The following BCL11A variants were observed in gnomAD, a reference collection of about 807,000 sequenced individuals.
BCL11A encodes the protein BCL11 transcription factor A.
In BCL11A, 2 loss-of-function variants were observed where a neutral mutation model predicts 55.9. The ratio of observed to expected loss-of-function variants is 0.04; its 90% CI spans 0.01 to 0.11. BCL11A has a LOEUF of 0.11. Ranked by LOEUF, BCL11A falls within the 10% of genes least tolerant of loss-of-function variation. The probability of loss-of-function intolerance (pLI) is 1.00; values close to 1 mark genes in which losing one functional copy is unlikely to be tolerated. For missense variants in BCL11A, 817 were observed against 1,137.1 expected, an observed-to-expected ratio of 0.72 and a Z score of 4.05; for synonymous variants, 465 against 473.4, an observed-to-expected ratio of 0.98 and a Z score of 0.23.
In BCL11A at chr2:60,546,334, A is replaced by G; in HGVS notation, c.56-34T>C. On this transcript the variant is annotated intron_variant, in intron 1 of 3. Transcript: ENST00000642384. This position sits in a 1 kb window ranked among gnomAD's most constrained non-coding sequence, Gnocchi z 4.1. ...GGAGAAACAAAAGCACAATTATTAGAGTGCCAGAGAGGACAGAAAGGGGAG... is the reference window on the plus strand; with the variant it reads ...GGAGAAACAAAAGCACAATTATTAGGGTGCCAGAGAGGACAGAAAGGGGAG... The G allele has an allele frequency of 6.3e-7, 1 of 1,576,596 alleles. No homozygotes were observed. Among genetic ancestry groups the G allele is most frequent in the Non-Finnish European group, 8.7e-7 (1 of 1,152,058 alleles).
chr2:60,548,602 T>G (rs1256009847), intron 1 of BCL11A, among the ~76,000 whole-genome samples: 4 of 152,206 alleles, frequency 2.6e-5, no homozygotes, highest in Non-Finnish European at 4.4e-5. Context: ...AACAAGATGA[T>G]CAAATGTACA....
intron 1 of BCL11A, 88 bp downstream of exon 1, chr2:60,553,128 C>G (rs914849681): frequency 1.5e-6 from 2 of 1,369,236 alleles, no homozygotes. Context: ...TGCATGCACA[C>G]ACCCCTCTCT....
chr2:60,547,785 G>A lies in BCL11A; in HGVS notation c.56-1485C>T, dbSNP rs188515427. Among the ~76,000 whole-genome samples, 4 of 152,182 alleles carry A rather than the reference G, an allele frequency of 2.6e-5. No individual in the cohort carries two copies. The East Asian group carries it at 5.8e-4, about 22-fold the overall frequency. ...CCCTACCCAGGCTGAATATTGAGGG[G>A]GAAGATCTGGAGTAACTCCCAGATG... On this transcript the variant is annotated intron_variant, in intron 1 of 3. Coordinates refer to ENST00000642384, the MANE Select transcript of BCL11A (RefSeq NM_022893.4).
intron 2 of BCL11A, among the ~76,000 whole-genome samples, chr2:60,498,609 G>A (rs1398031836): frequency 6.6e-6 from 1 of 152,184 alleles, no homozygotes; most frequent in Non-Finnish European, 1.5e-5. Flanking sequence ...AATTTTAATA[G>A]CAAATAGGCT....
chr2:60,505,444 G>A (rs768897543), intron 2 of BCL11A, among the ~76,000 whole-genome samples: 6 of 152,212 alleles, frequency 3.9e-5, no homozygotes, highest in Admixed American at 1.3e-4. Context: ...GTAGTCAGCC[G>A]AGTGAGGCTG....
intron 2 of BCL11A, among the ~76,000 whole-genome samples, chr2:60,539,054 G>A (rs1044660715): frequency 6.6e-6 from 1 of 152,182 alleles, no homozygotes; most frequent in Non-Finnish European, 1.5e-5. Flanking sequence ...TTTCGCTATA[G>A]ATCAAAGGAG....
chr2:60,548,526 G>C (rs931280016), intron 1 of BCL11A, among the ~76,000 whole-genome samples: 3 of 152,162 alleles, frequency 2.0e-5, no homozygotes, highest in African/African-American at 4.8e-5. Flanking sequence ...TGGTAATTCA[G>C]AGGTTGCTGA....
At position 60,458,248 on chromosome 2, in the gene BCL11A, T is replaced by A. The variant is rs1676037877; in HGVS notation, c.*2156A>T. ...CATTTTCCTATATTTAAGTACTATA[T>A]AATCTTAAACCTTTCCCCAATGTAT... On this transcript the variant is annotated 3_prime_UTR_variant, in exon 4 of 4. Coordinates refer to ENST00000642384, the MANE Select transcript of BCL11A (RefSeq NM_022893.4). 4.9e-6 allele frequency: 5 copies of A among 1,023,938 alleles called. No homozygotes were observed. Among genetic ancestry groups the A allele is most frequent in the Non-Finnish European group, 5.9e-6 (5 of 852,172 alleles). The allele number at this position is 1,023,938 out of a possible 1,614,324, so 63.4% of individuals were successfully genotyped here.
chr2:60,509,736 A>G (rs1456989795), intron 2 of BCL11A, among the ~76,000 whole-genome samples: 4 of 152,136 alleles, frequency 2.6e-5, no homozygotes, highest in African/African-American at 9.7e-5. Context: ...CATCTCAGCT[A>G]TAGGCAGTCA....
Position 60,461,445 on chromosome 2 carries a change from C to T in BCL11A, c.1467G>A (p.Glu489=), listed in dbSNP as rs141406273. ...CCTCTTCTTCCTCTTCCTCGTCGTC[C>T]TCCTCTTCCTCCTCGTCCCCGTTCT... ...IPENGDEEEE[E]DDEEEEEEEE... Residue 489 remains glutamate, a synonymous_variant, in exon 4 of 4, where the codon GAG becomes GAA. Coordinates refer to ENST00000642384, the MANE Select transcript of BCL11A (RefSeq NM_022893.4). 1.1e-5 allele frequency: 17 copies of T among 1,603,620 alleles called. No homozygotes were observed. Among genetic ancestry groups the T allele is most frequent in the African/African-American group, 5.3e-5 (4 of 74,914 alleles).
chr2:60,468,785 C>T lies in BCL11A; in HGVS notation c.434G>A (p.Gly145Glu), dbSNP rs148400140. The change falls in exon 3 of 4, where the codon GGA (glycine) becomes GAA (glutamate). Residue 145 changes from glycine (G) to glutamate (E), a missense_variant. Physicochemically the swap from Gly to Glu is moderately conservative, Grantham distance 98 (BLOSUM62 -2). Transcript: ENST00000642384. Reference protein sequence around the residue: ...RGLSSPRSAHGALIPTPGMSA... With the variant: ...RGLSSPRSAHEALIPTPGMSA... Reference sequence around the variant, plus strand: ...CATCCCAGGCGTGGGGATTAGAGCTCCATGTGCAGAACGAGGGGAGGAGAG... The same window carrying T: ...CATCCCAGGCGTGGGGATTAGAGCTTCATGTGCAGAACGAGGGGAGGAGAG... 1 of 1,607,816 alleles carries T rather than the reference C, an allele frequency of 6.2e-7. No homozygotes were observed. The highest frequency in any genetic ancestry group is 8.5e-7 in the Non-Finnish European group (1 of 1,178,496).
chr2:60,490,774 T>C (rs915173666), intron 2 of BCL11A, among the ~76,000 whole-genome samples: 1 of 152,234 alleles, frequency 6.6e-6, no homozygotes, highest in Non-Finnish European at 1.5e-5. Context: ...GCATGTGACA[T>C]GATATTCATA....
intron 2 of BCL11A, chr2:60,526,961 T>C (rs1034543629): frequency 7.2e-5 from 11 of 152,232 alleles, no homozygotes; most frequent in Non-Finnish European, 1.3e-4. Flanking sequence ...CAGGTTGAAG[T>C]AGAAATACTA....
intron 2 of BCL11A, chr2:60,541,944 G>A: frequency 1.4e-6 from 1 of 695,702 alleles, no homozygotes; most frequent in Non-Finnish European, 2.6e-6. Context: ...GAATCAGAAT[G>A]GATACAAAAA....
intron 2 of BCL11A, among the ~76,000 whole-genome samples, chr2:60,532,405 T>G (rs954282441): frequency 3.3e-5 from 5 of 152,032 alleles, no homozygotes. Flanking sequence ...TTGCTTTGTT[T>G]TTTGTTTTTT....
At chr2:60,550,410 C>T (rs1573104205) in intron 1 of BCL11A, among the ~76,000 whole-genome samples, 1 of 152,220 alleles carries the variant, frequency 6.6e-6, no homozygotes, top group South Asian at 2.1e-4. Context: ...CCCCCACCCC[C>T]ACCCTCGCAA....
rs1675742064 is a variant in BCL11A, at chr2:60,451,992, A to G, written c.*583T>C. On this transcript the variant is annotated 3_prime_UTR_variant, in exon 5 of 5. Transcript: ENST00000356842. ...TCTCCTTGAAAATTTATGCCATCTGATAAGCGGTAACCTAGTTCCCCTCCT... is the reference window on the plus strand; with the variant it reads ...TCTCCTTGAAAATTTATGCCATCTGGTAAGCGGTAACCTAGTTCCCCTCCT... 7 of 227,708 alleles carry G rather than the reference A, an allele frequency of 3.1e-5. No individual in the cohort carries two copies. The East Asian group carries it at 4.4e-4, about 14-fold the overall frequency. The allele number at this position is 227,708 out of a possible 1,614,324, so 14.1% of individuals were successfully genotyped here. A position where few individuals can be genotyped will look rare whatever the true frequency, so the allele number is the denominator to read the frequency against.
Position 60,546,877 on chromosome 2 carries a change from G to A in BCL11A, c.56-577C>T, listed in dbSNP as rs569633507. On this transcript the variant is annotated intron_variant, in intron 1 of 3. Coordinates refer to ENST00000642384, the MANE Select transcript of BCL11A (RefSeq NM_022893.4). The surrounding 1 kb of genome is among the most constrained non-coding windows in gnomAD (Gnocchi z 4.1). ...AAAGCTACTATGTCACATGAAAAAT[G>A]TGCCACATTTACACTGCTGTAATAA... Among the ~76,000 whole-genome samples the A allele has an allele frequency of 1.3e-5, 2 of 152,278 alleles. No individual in the cohort carries two copies. Among genetic ancestry groups the A allele is most frequent in the East Asian group, 3.9e-4 (2 of 5,180 alleles).
chr2:60,536,515 A>G (rs975342840), intron 2 of BCL11A: 3 of 152,162 alleles, frequency 2.0e-5, no homozygotes, highest in Non-Finnish European at 4.4e-5. Context: ...GTTACTCTAC[A>G]TGAGTAGAGT....
Sources: allele counts gnomAD v4.1 joint callset (sites outside exome capture counted in the v4.1 genomes callset), GRCh38; gene constraint gnomAD v4.1.1; non-coding constraint Gnocchi (gnomAD v3.1); transcripts MANE v1.5; gene names NCBI Gene and HGNC (gene_info 2026-07-23, HGNC 2026-07-21).